NPEPPS: variants seen among roughly 807,000 people sequenced by gnomAD.
NPEPPS encodes puromycin-sensitive aminopeptidase.
NPEPPS carries 14 observed loss-of-function variants against 115.5 expected under a neutral mutation model. The ratio of observed to expected loss-of-function variants is 0.12; its 90% CI spans 0.08 to 0.19. NPEPPS has a LOEUF of 0.19. Ranked by LOEUF, NPEPPS falls within the 10% of genes least tolerant of loss-of-function variation. The probability of loss-of-function intolerance (pLI) is 1.00; values close to 1 mark genes in which losing one functional copy is unlikely to be tolerated. For missense variants in NPEPPS, 523 were observed against 1,110.8 expected (o/e 0.47, Z 7.52); for synonymous variants, 285 against 390.6 (o/e 0.73, Z 3.19).
At chr17:47,557,121 C>T (rs147765104) in intron 2 of NPEPPS, among the ~76,000 whole-genome samples, 168 of 152,268 alleles carry the variant, frequency 1.1e-3, no homozygotes, top group Non-Finnish European at 1.4e-3. Context: ...CTCTGTCACC[C>T]AGGCTGGAGT....
In NPEPPS at chr17:47,605,416, C is replaced by T. The variant is rs777390041; in HGVS notation, c.1959C>T (p.Ser653=). 6.8e-6 allele frequency: 11 copies of T among 1,610,202 alleles called. No individual in the cohort carries two copies. Among genetic ancestry groups the T allele is most frequent in the South Asian group, 1.1e-5 (1 of 90,140 alleles). The change falls in exon 17 of 23, where the codon AGC becomes AGT. Residue 653 remains serine (S), a synonymous_variant. Transcript: ENST00000322157. The stretch of plus-strand genomic sequence containing the variant: ...ATGAGCCCAATTATACTGTATGGAG[C>T]GACCTGAGCTGTAACCTGGGGATTC... ...FVNEPNYTVW[S]DLSCNLGILS... is the part of the protein sequence containing the mutation.
rs527582417 is a variant in NPEPPS at position 47,532,155 on chromosome 17, C to A, written c.255+600C>A. Among the ~76,000 whole-genome samples the A allele has an allele frequency of 2.5e-3, 383 of 152,206 alleles. 2 individuals carry two copies. The highest frequency in any genetic ancestry group is 4.9e-3 in the Non-Finnish European group (332 of 68,014). On this transcript the variant is annotated intron_variant, in intron 1 of 22. Coordinates refer to ENST00000322157, the MANE Select transcript of NPEPPS (RefSeq NM_006310.4). ...CTCGCTGACTTCTCCCCGCCTGCTC[C>A]AGCCCAGGGGCTGGGTTTCCAAGAT... is the stretch of plus-strand genomic sequence containing the variant.
intron 19 of NPEPPS, 53 bp downstream of exon 19, chr17:47,613,778 C>A: frequency 2.3e-6 from 3 of 1,286,098 alleles, no homozygotes; most frequent in Non-Finnish European, 2.2e-6. Flanking sequence ...TGGATAGACA[C>A]ACAGTAAACC....
At chr17:47,573,027 C>A (rs1361033429) in intron 3 of NPEPPS, among the ~76,000 whole-genome samples, 1 of 152,174 alleles carries the variant, frequency 6.6e-6, no homozygotes, top group Non-Finnish European at 1.5e-5. Flanking sequence ...CTGCCCACTT[C>A]GGCCTCTCAA....
rs1567874970 is a variant in NPEPPS, at chr17:47,618,999, CT to C, written c.2404-3del. The C allele has an allele frequency of 6.2e-7, 1 of 1,609,644 alleles. No individual in the cohort carries two copies. Among genetic ancestry groups the C allele is most frequent in the African/African-American group, 1.3e-5 (1 of 74,802 alleles). ...ATACACTAGACTTTTAGCTCTCTTT[CT>C]TTTTTTAGGAAGAGGTACGTCCACA... is the stretch of plus-strand genomic sequence containing the variant. On this transcript the variant is annotated splice_polypyrimidine_tract_variant and intron_variant, in intron 20 of 22. Transcript: ENST00000322157.
chr17:47,532,086 A>G (rs1017380333), intron 1 of NPEPPS, among the ~76,000 whole-genome samples: 4 of 150,788 alleles, frequency 2.7e-5, no homozygotes, highest in Admixed American at 2.0e-4. Flanking sequence ...AGCTTCTAGA[A>G]GGGGGGGGAG....
chr17:47,613,462 TCACCATGTTGACCAGGCTGGC>T (rs1914003819), intron 18 of NPEPPS, among the ~76,000 whole-genome samples, 186 bp from the exon 19 acceptor site: 1 of 151,992 alleles, frequency 6.6e-6, no homozygotes, highest in Non-Finnish European at 1.5e-5. Flanking sequence ...AGACAGGGTT[TCACCATGTTGACCAGGCTGGC>T]CTGGAACTGC....
At chr17:47,556,692 G>A (rs756451374) in intron 2 of NPEPPS, among the ~76,000 whole-genome samples, 3 of 152,138 alleles carry the variant, frequency 2.0e-5, no homozygotes, top group Non-Finnish European at 4.4e-5. Flanking sequence ...CGGACGGGGC[G>A]GCTGGCCGGG....
chr17:47,618,044 T>C (rs1213372339), intron 19 of NPEPPS, among the ~76,000 whole-genome samples: 1 of 151,110 alleles, frequency 6.6e-6, no homozygotes, highest in African/African-American at 2.4e-5. Flanking sequence ...CGGCTAATTT[T>C]TTTTTTTTGT....
chr17:47,594,695 C>T (rs1459003808), intron 12 of NPEPPS, among the ~76,000 whole-genome samples: 11 of 151,690 alleles, frequency 7.3e-5, no homozygotes, highest in East Asian at 5.8e-4. Flanking sequence ...TGCAGTGGCG[C>T]GATCTCGGCT....
intron 4 of NPEPPS, 101 bp downstream of exon 4, chr17:47,579,612 T>A (rs1911739062): frequency 8.5e-7 from 1 of 1,175,222 alleles, no homozygotes; most frequent in Non-Finnish European, 1.2e-6. Flanking sequence ...CTAGGTGCCC[T>A]TGGCCATGAT....
At chr17:47,587,391 T>A in intron 9 of NPEPPS, 47 bp downstream of exon 9, 1 of 1,463,218 alleles carries the variant, frequency 6.8e-7, no homozygotes, top group Admixed American at 2.9e-5. Flanking sequence ...TTCATCCTAC[T>A]CCACATTATT....
chr17:47,546,987 AAG>A (rs1909261785), intron 2 of NPEPPS, among the ~76,000 whole-genome samples: 1 of 152,202 alleles, frequency 6.6e-6, no homozygotes, highest in African/African-American at 2.4e-5. Flanking sequence ...AGGCTCCTCA[AAG>A]AGGCTTCGTT....
chr17:47,593,121 T>C (rs1039922700), intron 12 of NPEPPS, among the ~76,000 whole-genome samples: 2 of 152,194 alleles, frequency 1.3e-5, no homozygotes, highest in Non-Finnish European at 2.9e-5. Context: ...AAAAGAAATA[T>C]GAAATTCAAA....
In NPEPPS at chr17:47,612,476, C is replaced by T; in HGVS notation, c.2112C>T (p.Leu704=). The T allele has an allele frequency of 4.3e-6, 7 of 1,613,700 alleles. No homozygotes were observed. Among genetic ancestry groups the T allele is most frequent in the Non-Finnish European group, 5.9e-6 (7 of 1,179,836 alleles). ...TCAAATCAGGTCATCTCGATGCACT[C>T]CTGAGGGGCTTGGTTCTGGGAAAAC... The part of the protein sequence containing the change: ...PKPGEGHLDA[L]LRGLVLGKLG... Residue 704 remains leucine, a synonymous_variant, in exon 18 of 23, where the codon CTC becomes CTT. Transcript: ENST00000322157.
At chr17:47,602,378 C>G (rs1308649230) in intron 15 of NPEPPS, among the ~76,000 whole-genome samples, 2 of 151,802 alleles carry the variant, frequency 1.3e-5, no homozygotes, top group Middle Eastern at 3.4e-3. Context: ...GAGGCCGAGG[C>G]AGGTAGATCA....
At chr17:47,563,060 C>T (rs556346541) in intron 2 of NPEPPS, among the ~76,000 whole-genome samples, 1 of 147,632 alleles carries the variant, frequency 6.8e-6, no homozygotes. Context: ...GAGATGGAGT[C>T]TCGCTCTCTC....
At chr17:47,545,210 T>A (rs533450075) in intron 1 of NPEPPS, among the ~76,000 whole-genome samples, 1 of 152,306 alleles carries the variant, frequency 6.6e-6, no homozygotes, top group Admixed American at 6.5e-5. Flanking sequence ...TTGCCCAAGC[T>A]GGTCTTGAAT....
intron 3 of NPEPPS, among the ~76,000 whole-genome samples, chr17:47,578,091 G>A (rs184193191): frequency 6.6e-6 from 1 of 151,760 alleles, no homozygotes; most frequent in African/African-American, 2.4e-5. Flanking sequence ...TGTAGTCCCA[G>A]CTACTCAGGA....
Sources: gnomAD v4.1 joint callset for allele counts (sites outside exome capture counted in the v4.1 genomes callset) on GRCh38, gnomAD v4.1.1 for gene constraint, MANE v1.5 for transcripts, NCBI Gene and HGNC (gene_info 2026-07-23, HGNC 2026-07-21) for gene names.